Variants in CDH13 observed in about 807,000 individuals in gnomAD.
CDH13 encodes cadherin-13.
A neutral mutation model predicts 63.8 loss-of-function variants in CDH13; 24 were observed. That is an observed-to-expected ratio of 0.38 (90% confidence interval 0.27 to 0.53). CDH13 has a LOEUF of 0.53. Ranked by LOEUF, CDH13 falls within the 20% of genes least tolerant of loss-of-function variation. The pLI, the probability that CDH13 is intolerant of heterozygous loss-of-function variation, is 0.85. For synonymous variants in CDH13, 503 were observed against 355.3 expected, an observed-to-expected ratio of 1.42 and a Z score of -4.67; for missense variants, 1,049 against 903.1, an observed-to-expected ratio of 1.16 and a Z score of -2.07.
At chr16:83,180,428 CA>C (rs200514607) in intron 4 of CDH13, among the ~76,000 whole-genome samples, 1 of 151,818 alleles carries the variant, frequency 6.6e-6, no homozygotes, top group Non-Finnish European at 1.5e-5. Context: ...TATGTTTTTA[CA>C]AAAATAGTGC....
chr16:83,120,856 C>T (rs938440978), intron 3 of CDH13, among the ~76,000 whole-genome samples: 2 of 149,212 alleles, frequency 1.3e-5, no homozygotes, highest in Non-Finnish European at 1.5e-5. Flanking sequence ...TTCCATCTCC[C>T]AGGTTCAAGT....
At chr16:83,793,011 A>G (rs980099674) in intron 13 of CDH13, among the ~76,000 whole-genome samples, 4 of 152,168 alleles carry the variant, frequency 2.6e-5, no homozygotes, top group African/African-American at 9.7e-5. Flanking sequence ...GCACTTTTGG[A>G]TGGAGGCAGG....
At chr16:82,870,810 C>T (rs759928003) in intron 2 of CDH13, among the ~76,000 whole-genome samples, 1 of 152,170 alleles carries the variant, frequency 6.6e-6, no homozygotes, top group Non-Finnish European at 1.5e-5. Flanking sequence ...AAATATTAAT[C>T]TATGTAAAGG....
At chr16:83,683,420 T>C (rs981815845) in intron 10 of CDH13, among the ~76,000 whole-genome samples, 4 of 152,220 alleles carry the variant, frequency 2.6e-5, no homozygotes, top group African/African-American at 9.6e-5. Context: ...CTTGGATCTG[T>C]CTCCCTCAAT....
intron 10 of CDH13, among the ~76,000 whole-genome samples, chr16:83,703,836 C>T (rs1906608177): frequency 6.6e-6 from 1 of 152,168 alleles, no homozygotes; most frequent in African/African-American, 2.4e-5. Context: ...GACCAACATG[C>T]CTCTGACTCC....
chr16:83,155,227 G>A (rs2037158874), intron 4 of CDH13, among the ~76,000 whole-genome samples: 1 of 152,198 alleles, frequency 6.6e-6, no homozygotes, highest in African/African-American at 2.4e-5. Flanking sequence ...GGACAGAGGG[G>A]AGAGACATCT....
intron 2 of CDH13, among the ~76,000 whole-genome samples, chr16:82,906,181 G>T (rs1344895556): frequency 6.6e-6 from 1 of 152,176 alleles, no homozygotes; most frequent in Non-Finnish European, 1.5e-5. Flanking sequence ...AGATGGAGAA[G>T]TTTTTGCAGT....
chr16:82,676,486 C>CTTTTTTTTTT (rs11330492), intron 1 of CDH13, among the ~76,000 whole-genome samples: 1 of 96,370 alleles, frequency 1.0e-5, no homozygotes, highest in Non-Finnish European at 2.0e-5. Flanking sequence ...ACCATCATTT[C>CTTTTTTTTTT]TTTTTTTTTT....
At position 82,994,291 on chromosome 16, in the gene CDH13, C is replaced by G. The variant is rs1031389902; in HGVS notation, c.158-37719C>G. ...AGCTAGAGACCCACGTCTCTAACTC[C>G]TCCTCATCCTGACTTAGTACAACCC... On this transcript the variant is annotated intron_variant, in intron 2 of 13. Coordinates refer to ENST00000567109, the MANE Select transcript of CDH13 (RefSeq NM_001257.5). Among the ~76,000 whole-genome samples, 3 of 152,178 alleles carry G rather than the reference C, an allele frequency of 2.0e-5. No individual in the cohort carries two copies. The East Asian group carries it at 5.8e-4, about 29-fold the overall frequency.
chr16:83,405,303 G>A (rs2092025746), intron 6 of CDH13, among the ~76,000 whole-genome samples: 2 of 152,186 alleles, frequency 1.3e-5, no homozygotes, highest in African/African-American at 4.8e-5. Context: ...CCTGGGGCCT[G>A]TGAATGTTAG....
At chr16:83,010,135 C>CAAAAAAAAAAAAAAAAAAAAAAAAAAA (rs67985333) in intron 2 of CDH13, among the ~76,000 whole-genome samples, 2 of 50,118 alleles carry the variant, frequency 4.0e-5, no homozygotes, top group Admixed American at 3.1e-4. Flanking sequence ...AACTCTGTCT[C>CAAAAAAAAAAAAAAAAAAAAAAAAAAA]AAAAAAAAAA....
In CDH13 at chr16:83,359,399, C is replaced by T. The variant is rs534337455; in HGVS notation, c.781+14393C>T. On this transcript the variant is annotated intron_variant, in intron 6 of 13. Transcript: ENST00000567109. The stretch of plus-strand genomic sequence containing the variant: ...ATGACCAACAAAATGCCACGTGGGT[C>T]ACAAATACTGGCAGCCAGCAATGGC... Among the ~76,000 whole-genome samples, 3 of 152,246 alleles carry T rather than the reference C, an allele frequency of 2.0e-5. No individual in the cohort carries two copies. The South Asian group carries it at 6.2e-4, about 32-fold the overall frequency.
chr16:83,461,486 C>T (rs1469534463), intron 6 of CDH13, among the ~76,000 whole-genome samples: 1 of 152,134 alleles, frequency 6.6e-6, no homozygotes. Flanking sequence ...CCTTGAGATT[C>T]TTAAAAACCA....
At chr16:83,366,809 G>C (rs2091266306) in intron 6 of CDH13, among the ~76,000 whole-genome samples, 1 of 152,108 alleles carries the variant, frequency 6.6e-6, no homozygotes, top group South Asian at 2.1e-4. Context: ...TGGTGTGGTG[G>C]TTGACACTTA....
intron 1 of CDH13, among the ~76,000 whole-genome samples, chr16:82,715,974 C>T (rs569731301): frequency 5.1e-4 from 77 of 152,346 alleles, no homozygotes; most frequent in South Asian, 4.3e-3. Flanking sequence ...TGTGTCACTA[C>T]TGGGTGTTGA....
intron 6 of CDH13, among the ~76,000 whole-genome samples, chr16:83,432,853 C>A (rs1037645093): frequency 6.6e-6 from 1 of 152,224 alleles, no homozygotes; most frequent in East Asian, 1.9e-4. Context: ...CACCACCACA[C>A]CATAAATGTG....
intron 4 of CDH13, among the ~76,000 whole-genome samples, chr16:83,128,718 A>G (rs993027424): frequency 1.3e-5 from 2 of 152,184 alleles, no homozygotes; most frequent in African/African-American, 4.8e-5. Flanking sequence ...GAGCTATTCA[A>G]TGGGTCCATA....
At chr16:82,689,707 C>T (rs916252305) in intron 1 of CDH13, among the ~76,000 whole-genome samples, 1 of 152,038 alleles carries the variant, frequency 6.6e-6, no homozygotes, top group Non-Finnish European at 1.5e-5. Flanking sequence ...AAAGGGACTC[C>T]TGTCCTCAGA....
At chr16:83,395,791 G>A (rs868097765) in intron 6 of CDH13, among the ~76,000 whole-genome samples, 7 of 152,252 alleles carry the variant, frequency 4.6e-5, no homozygotes, top group Admixed American at 2.6e-4. Context: ...TCACCTTTCC[G>A]TTCTTTTTTT....
Sources: allele counts gnomAD v4.1 joint callset (sites outside exome capture counted in the v4.1 genomes callset), GRCh38; gene constraint gnomAD v4.1.1; transcripts MANE v1.5; gene names NCBI Gene and HGNC (gene_info 2026-07-23, HGNC 2026-07-21).